Variants in FZD3 observed in about 807,000 individuals in gnomAD.
FZD3 encodes the protein frizzled-3.
Under a neutral mutation model 60.7 loss-of-function variants are expected in FZD3, and 30 were observed. The observed-to-expected ratio is 0.49, with a 90% CI of 0.37 to 0.67. FZD3 has a LOEUF of 0.67. FZD3 is among the 30% of genes least tolerant of loss of function. The pLI is 0.00. For synonymous variants in FZD3, 246 were observed against 275.2 expected, an observed-to-expected ratio of 0.89 and a Z score of 1.05; for missense variants, 605 against 838.7, an observed-to-expected ratio of 0.72 and a Z score of 3.44.
intron 5 of FZD3, among the ~76,000 whole-genome samples, chr8:28,541,834 G>T (rs1805175027): frequency 6.6e-6 from 1 of 152,126 alleles, no homozygotes; most frequent in Admixed American, 6.6e-5. Context: ...TCCAGATTTG[G>T]AGCTATCTTT....
intron 5 of FZD3, among the ~76,000 whole-genome samples, chr8:28,551,077 CATCT>C (rs144635829): frequency 8.6e-5 from 13 of 152,040 alleles, no homozygotes; most frequent in Non-Finnish European, 8.8e-5. Context: ...AAATATCTAT[CATCT>C]ATCTAGATAG....
At chr8:28,557,303 G>GTT (rs1459895087) in intron 7 of FZD3, among the ~76,000 whole-genome samples, 1 of 151,624 alleles carries the variant, frequency 6.6e-6, no homozygotes, top group East Asian at 2.0e-4. Context: ...TATTTTTTGG[G>GTT]GTGTTTTTTT....
chr8:28,518,510 G>C (rs531869535), intron 3 of FZD3, among the ~76,000 whole-genome samples: 1 of 152,144 alleles, frequency 6.6e-6, no homozygotes, highest in African/African-American at 2.4e-5. Context: ...GCTGTGCAGA[G>C]GTTGAACAGT....
chr8:28,563,810 A>T lies in FZD3; in HGVS notation c.*799A>T, dbSNP rs556331125. 4.2e-4 allele frequency: 64 copies of T among 152,792 alleles called. No homozygotes were observed. Among genetic ancestry groups the T allele is most frequent in the African/African-American group, 1.5e-3 (62 of 41,596 alleles). The allele number at this position is 152,792 out of a possible 1,614,324, so 9.5% of individuals were successfully genotyped here. ...TTTTCCCATGTAATAGTATTGATTC[A>T]TAGAGAACTTAATGTTCAAAATTTG... On this transcript the variant is annotated 3_prime_UTR_variant, in exon 8 of 8. Coordinates refer to ENST00000240093, the MANE Select transcript of FZD3 (RefSeq NM_017412.4).
At chr8:28,554,174 T>C (rs1805463206) in intron 6 of FZD3, among the ~76,000 whole-genome samples, 1 of 152,236 alleles carries the variant, frequency 6.6e-6, no homozygotes, top group South Asian at 2.1e-4. Context: ...TTAGAAATCC[T>C]CTTTTGGATT....
Position 28,572,785 on chromosome 8 carries a change from T to A in FZD3, c.*9774T>A, listed in dbSNP as rs1056530438. On this transcript the variant is annotated 3_prime_UTR_variant, in exon 8 of 8. Transcript: ENST00000240093. The stretch of plus-strand genomic sequence containing the variant: ...TTGCCATAAAATGCCATTTAAGGAT[T>A]TTCTTTTTACCTTTATTTCATTATA... 2 of 152,174 alleles carry A rather than the reference T, an allele frequency of 1.3e-5. No individual in the cohort carries two copies. Among genetic ancestry groups the A allele is most frequent in the East Asian group, 3.8e-4 (2 of 5,196 alleles). The allele number at this position is 152,174 out of a possible 1,614,324, so 9.4% of individuals were successfully genotyped here.
chr8:28,505,701 A>G lies in FZD3; in HGVS notation c.189+2499A>G, dbSNP rs182009252. ...GAGTTAAAAGGAGTGCCTGGAACAC[A>G]ATGGTATGTGGGCAGTAAGCTAGAT... is the stretch of plus-strand genomic sequence containing the variant. On this transcript the variant is annotated intron_variant, in intron 3 of 7. Transcript: ENST00000240093. 1.8e-3 allele frequency among the ~76,000 whole-genome samples: 267 copies of G among 152,322 alleles called. 3 individuals carry two copies. Among genetic ancestry groups the G allele is most frequent in the African/African-American group, 6.1e-3 (253 of 41,576 alleles).
chr8:28,546,785 C>CATTT (rs1279742196), intron 5 of FZD3, among the ~76,000 whole-genome samples: 1 of 152,018 alleles, frequency 6.6e-6, no homozygotes, highest in African/African-American at 2.4e-5. Flanking sequence ...ACCATCCTGG[C>CATTT]TAACACAGTG....
intron 5 of FZD3, among the ~76,000 whole-genome samples, chr8:28,533,577 G>GTTTGT (rs199572463): frequency 0.09 from 13,555 of 150,688 alleles, 990 homozygotes; most frequent in East Asian, 0.4. Flanking sequence ...GTAACTTTAT[G>GTTTGT]TTTGTTTTGT....
At position 28,564,959 on chromosome 8, in the gene FZD3, A is replaced by G. The variant is rs993444696; in HGVS notation, c.*1948A>G. ...AGCTCTTTGAAAACTGTAAAGCATTATGAATGATAAGGGATTAGGTTATTG... is the reference window on the plus strand; with the variant it reads ...AGCTCTTTGAAAACTGTAAAGCATTGTGAATGATAAGGGATTAGGTTATTG... On this transcript the variant is annotated 3_prime_UTR_variant, in exon 8 of 8. Coordinates refer to ENST00000240093, the MANE Select transcript of FZD3 (RefSeq NM_017412.4). 1 of 152,228 alleles carries G rather than the reference A, an allele frequency of 6.6e-6. No homozygotes were observed. Among genetic ancestry groups the G allele is most frequent in the African/African-American group, 2.4e-5 (1 of 41,468 alleles). The allele number at this position is 152,228 out of a possible 1,614,324, so 9.4% of individuals were successfully genotyped here.
chr8:28,556,090 C>T, intron 7 of FZD3, 119 bp downstream of exon 7: 3 of 691,784 alleles, frequency 4.3e-6, no homozygotes, highest in Non-Finnish European at 7.4e-6. Context: ...TTGAACTTTG[C>T]TAGATAGAGT....
At chr8:28,526,083 A>G (rs1417537635) in intron 4 of FZD3, among the ~76,000 whole-genome samples, 1 of 113,830 alleles carries the variant, frequency 8.8e-6, no homozygotes, top group Non-Finnish European at 1.9e-5. Flanking sequence ...CTAAGTGTAT[A>G]TGTTGAGTTG....
Position 28,563,121 on chromosome 8 carries a change from T to G in FZD3, c.*110T>G. The G allele has an allele frequency of 1.3e-6, 1 of 746,310 alleles. No individual in the cohort carries two copies. 46.2% of individuals were successfully genotyped at this position (746,310 alleles called of 1,614,324 possible). On this transcript the variant is annotated 3_prime_UTR_variant, in exon 8 of 8. Coordinates refer to ENST00000240093, the MANE Select transcript of FZD3 (RefSeq NM_017412.4). ...CACAGTTAACATGCTTTCAGTCAAG[T>G]ACAGATTGTGTCCACTGGAAAGGTA...
chr8:28,496,138 T>G (rs1427502205), intron 1 of FZD3, among the ~76,000 whole-genome samples: 2 of 152,218 alleles, frequency 1.3e-5, no homozygotes, highest in Non-Finnish European at 2.9e-5. Context: ...TAGGGGAATT[T>G]AATAGCAAAG....
chr8:28,561,462 ATCT>A (rs1805611158), intron 7 of FZD3, among the ~76,000 whole-genome samples: 1 of 152,152 alleles, frequency 6.6e-6, no homozygotes, highest in African/African-American at 2.4e-5. Flanking sequence ...GTATGAATCT[ATCT>A]TTAAATTTTA....
At chr8:28,525,268 C>T (rs1804687750) in intron 4 of FZD3, among the ~76,000 whole-genome samples, 1 of 152,106 alleles carries the variant, frequency 6.6e-6, no homozygotes. Context: ...AGTGAAAATT[C>T]TAATGGTGGT....
At chr8:28,535,321 G>A (rs1472289094) in intron 5 of FZD3, among the ~76,000 whole-genome samples, 1 of 152,042 alleles carries the variant, frequency 6.6e-6, no homozygotes, top group Non-Finnish European at 1.5e-5. Flanking sequence ...CATATGCCTT[G>A]TACCAGTTTT....
At position 28,520,620 on chromosome 8, in the gene FZD3, A is replaced by G. The variant is rs768894679; in HGVS notation, c.190-18A>G. On this transcript the variant is annotated intron_variant, in intron 3 of 7. Coordinates refer to ENST00000240093, the MANE Select transcript of FZD3 (RefSeq NM_017412.4). ...ATACAGCTCTTTAACTAATTATTCA[A>G]TTTTAACTTTTCCCTAGCCATTCCA... 11 of 1,475,810 alleles carry G rather than the reference A, an allele frequency of 7.5e-6. No individual in the cohort carries two copies. In the East Asian group the frequency reaches 1.9e-4, roughly 25 times the overall value. 91.4% of individuals were successfully genotyped at this position (1,475,810 alleles called of 1,614,324 possible).
chr8:28,558,345 A>G (rs1317515326), intron 7 of FZD3, among the ~76,000 whole-genome samples: 1 of 152,122 alleles, frequency 6.6e-6, no homozygotes, highest in Non-Finnish European at 1.5e-5. Flanking sequence ...GTTCTTTTAG[A>G]ATATATTTAT....
Sources: gnomAD v4.1 joint callset for allele counts (sites outside exome capture counted in the v4.1 genomes callset) on GRCh38, gnomAD v4.1.1 for gene constraint, MANE v1.5 for transcripts, NCBI Gene and HGNC (gene_info 2026-07-23, HGNC 2026-07-21) for gene names.